The following ANP32B variants were observed in gnomAD, a reference collection of about 807,000 sequenced individuals.
ANP32B encodes the protein acidic nuclear phosphoprotein 32 family member B.
ANP32B carries 6 observed loss-of-function variants against 32.2 expected under a neutral mutation model. The observed-to-expected ratio is 0.19, with a 90% confidence interval of 0.10 to 0.37. ANP32B has a LOEUF of 0.37. ANP32B is among the 10% of genes least tolerant of loss of function. ANP32B has a pLI of 1.00. For missense variants in ANP32B, 204 were observed against 289.2 expected, an observed-to-expected ratio of 0.71 and a Z score of 2.14; for synonymous variants, 98 against 105.8, an observed-to-expected ratio of 0.93 and a Z score of 0.45.
chr9:98,000,633 C>CGAA (rs1827974269), intron 3 of ANP32B, among the ~76,000 whole-genome samples: 1 of 152,032 alleles, frequency 6.6e-6, no homozygotes, highest in African/African-American at 2.4e-5. Context: ...GGATTCAAAT[C>CGAA]TAAGTCTAGG....
At chr9:98,013,063 G>A (rs540767404) in intron 6 of ANP32B, among the ~76,000 whole-genome samples, 6 of 152,182 alleles carry the variant, frequency 3.9e-5, no homozygotes, top group South Asian at 2.1e-4. Context: ...TTGCTCTGTC[G>A]CCCAGTCTGG....
Position 98,011,395 on chromosome 9 carries a change from T to A in ANP32B, c.636+6T>A. The A allele has an allele frequency of 1.3e-6, 2 of 1,588,902 alleles. No homozygotes were observed. The highest frequency in any genetic ancestry group is 1.7e-6 in the Non-Finnish European group (2 of 1,164,730). On this transcript the variant is annotated splice_donor_region_variant and intron_variant, in intron 5 of 6. Coordinates refer to ENST00000339399, the MANE Select transcript of ANP32B (RefSeq NM_006401.3). ...ACGATGAAGTCAGTGAGGAGGTCAGTGCAGCTGTTTTCTACCCTGCTTCCT... is the reference window on the plus strand; with the variant it reads ...ACGATGAAGTCAGTGAGGAGGTCAGAGCAGCTGTTTTCTACCCTGCTTCCT...
chr9:98,002,761 A>C (rs1385454941), intron 3 of ANP32B, among the ~76,000 whole-genome samples: 2 of 152,226 alleles, frequency 1.3e-5, no homozygotes, highest in African/African-American at 4.8e-5. Context: ...GGCCCTGTGT[A>C]CTGGAAGAGT....
chr9:97,997,485 A>T (rs1165666116), intron 2 of ANP32B, among the ~76,000 whole-genome samples: 2 of 152,336 alleles, frequency 1.3e-5, no homozygotes, highest in East Asian at 1.9e-4. Context: ...TAATGAGGAC[A>T]TGGATATTTA....
intron 6 of ANP32B, among the ~76,000 whole-genome samples, chr9:98,014,301 G>A (rs548904468): frequency 1.3e-5 from 2 of 152,030 alleles, no homozygotes; most frequent in East Asian, 1.9e-4. Flanking sequence ...CCAGCTACTC[G>A]GGAGGCTGAG....
chr9:97,996,070 G>A (rs758288336), intron 2 of ANP32B, among the ~76,000 whole-genome samples: 33 of 151,982 alleles, frequency 2.2e-4, no homozygotes, highest in Non-Finnish European at 4.1e-4. Context: ...CGTTTCTGAT[G>A]AGAAAGAAAT....
rs770020996 is a variant in ANP32B, at chr9:98,005,060, C to T, written c.424C>T (p.Leu142Phe). The change falls in exon 4 of 7, where the codon CTT becomes TTT. Residue 142 changes from leucine to phenylalanine, a missense_variant. By Grantham distance (22) the Leu-to-Phe change is conservative. Coordinates refer to ENST00000339399, the MANE Select transcript of ANP32B (RefSeq NM_006401.3). ...RESVFKLLPQ[L>F]TYLDGYDRED... ...GAGTGTCTTCAAGCTCCTGCCCCAGCTTACCTACTTGGATGGCTATGACCG... is the reference window on the plus strand; with the variant it reads ...GAGTGTCTTCAAGCTCCTGCCCCAGTTTACCTACTTGGATGGCTATGACCG... The T allele has an allele frequency of 1.9e-6, 3 of 1,614,010 alleles. No homozygotes were observed. In the South Asian group the frequency reaches 3.3e-5, roughly 18 times the overall value.
chr9:98,014,235 G>A (rs1409690454), intron 6 of ANP32B, among the ~76,000 whole-genome samples: 3 of 151,954 alleles, frequency 2.0e-5, no homozygotes, highest in African/African-American at 4.8e-5. Context: ...GTGAAACCCC[G>A]TCTCTACTAA....
intron 1 of ANP32B, among the ~76,000 whole-genome samples, chr9:97,992,197 C>G (rs1228196217): frequency 1.3e-5 from 2 of 152,144 alleles, no homozygotes; most frequent in Non-Finnish European, 2.9e-5. Context: ...TCAAGCAATT[C>G]TCCTGCCTCA....
intron 3 of ANP32B, among the ~76,000 whole-genome samples, chr9:98,003,907 A>G (rs1212657921): frequency 2.0e-5 from 3 of 152,192 alleles, no homozygotes; most frequent in Non-Finnish European, 4.4e-5. Flanking sequence ...GAAAGGCACC[A>G]GGCTATGTGC....
At chr9:98,005,186 T>A in intron 4 of ANP32B, 33 bp downstream of exon 4, 2 of 1,594,614 alleles carry the variant, frequency 1.3e-6, no homozygotes, top group Non-Finnish European at 1.7e-6. Flanking sequence ...GAACCTGATG[T>A]CTGCCTTTCA....
At chr9:97,996,292 T>C (rs1055014915) in intron 2 of ANP32B, among the ~76,000 whole-genome samples, 1 of 152,218 alleles carries the variant, frequency 6.6e-6, no homozygotes, top group Non-Finnish European at 1.5e-5. Flanking sequence ...TGTTGGTCTC[T>C]GTACTCTCAG....
At position 97,984,549 on chromosome 9, in the gene ANP32B, A is replaced by AGCCGGGGCGCGCCACAGGCC. The variant is rs1454432814; in HGVS notation, c.54+945_54+964dup. The stretch of plus-strand genomic sequence containing the variant: ...TGGGCGGGCGGCGGCTCTTCACGCC[A>AGCCGGGGCGCGCCACAGGCC]GCCGGGGCGCGCCACAGGCCGCCGC... On this transcript the variant is annotated intron_variant, in intron 1 of 6. Transcript: ENST00000339399. 4 of 146,700 alleles carry AGCCGGGGCGCGCCACAGGCC rather than the reference A, an allele frequency of 2.7e-5. No individual in the cohort carries two copies. In the South Asian group the frequency reaches 7.0e-4, roughly 26 times the overall value. 9.1% of individuals were successfully genotyped at this position (146,700 alleles called of 1,614,324 possible). A position where few individuals can be genotyped will look rare whatever the true frequency, so the allele number is the denominator to read the frequency against.
intron 3 of ANP32B, among the ~76,000 whole-genome samples, chr9:98,003,587 C>T (rs1275499101): frequency 6.6e-6 from 1 of 152,178 alleles, no homozygotes; most frequent in Non-Finnish European, 1.5e-5. Flanking sequence ...GGCAGATTTT[C>T]ACACCATTTT....
chr9:98,007,298 C>T (rs1381234790), intron 4 of ANP32B, among the ~76,000 whole-genome samples: 2 of 152,172 alleles, frequency 1.3e-5, no homozygotes, highest in Non-Finnish European at 1.5e-5. Context: ...GGAGAGGCTG[C>T]AGTTAAGCTG....
chr9:98,014,496 G>A (rs778715869), intron 6 of ANP32B, among the ~76,000 whole-genome samples: 11 of 151,946 alleles, frequency 7.2e-5, no homozygotes, highest in Non-Finnish European at 1.3e-4. Flanking sequence ...GAAAAAATTG[G>A]TCTATATGTA....
chr9:97,987,063 A>C (rs1827748428), intron 1 of ANP32B, among the ~76,000 whole-genome samples: 1 of 152,060 alleles, frequency 6.6e-6, no homozygotes, highest in African/African-American at 2.4e-5. Context: ...GTAAACACAA[A>C]AGTGTTACTA....
intron 4 of ANP32B, among the ~76,000 whole-genome samples, chr9:98,009,940 A>C (rs1209903469): frequency 6.6e-6 from 1 of 152,248 alleles, no homozygotes; most frequent in Non-Finnish European, 1.5e-5. Flanking sequence ...AGGTGGTAAA[A>C]TGGACAGAGA....
Position 98,012,401 on chromosome 9 carries a change from T to C in ANP32B, c.637-20T>C, listed in dbSNP as rs376708946. 13 of 1,609,124 alleles carry C rather than the reference T, an allele frequency of 8.1e-6. No individual in the cohort carries two copies. The highest frequency in any genetic ancestry group is 1.7e-5 in the Admixed American group (1 of 58,642). On this transcript the variant is annotated intron_variant, in intron 5 of 6. Coordinates refer to ENST00000339399, the MANE Select transcript of ANP32B (RefSeq NM_006401.3). ...ATTTGGCAGAATTAATTTAATGTTA[T>C]GCTGTTTGCTATTCTTTAGGAAGAA...
Sources: gnomAD v4.1 joint callset for allele counts (sites outside exome capture counted in the v4.1 genomes callset) on GRCh38, gnomAD v4.1.1 for gene constraint, MANE v1.5 for transcripts, NCBI Gene and HGNC (gene_info 2026-07-23, HGNC 2026-07-21) for gene names.